Variants in NGLY1 observed in about 807,000 individuals in gnomAD.
NGLY1 encodes the protein peptide-N(4)-(N-acetyl-beta-glucosaminyl)asparagine amidase.
In NGLY1, 68 loss-of-function variants were observed where a neutral mutation model predicts 84.6. The observed-to-expected ratio is 0.80, with a 90% CI of 0.66 to 0.98. NGLY1 has a LOEUF of 0.98. NGLY1 is among the 50% of genes least tolerant of loss of function. The probability of loss-of-function intolerance (pLI) is 0.00; values close to 1 mark genes in which losing one functional copy is unlikely to be tolerated. For synonymous variants in NGLY1, 280 were observed against 275.2 expected (o/e 1.02, Z -0.17); for missense variants, 779 against 770.2 (o/e 1.01, Z -0.14).
At position 25,727,286 on chromosome 3, in the gene NGLY1, A is replaced by C. The variant is rs192330884; in HGVS notation, c.1611+1847T>G. On this transcript the variant is annotated intron_variant, in intron 10 of 11. Transcript: ENST00000280700. ...TGGTACCCTTCATAAAAGTATATCA[A>C]GGCATAAGCTTTACTTGAATAGGGG... Among the ~76,000 whole-genome samples, 6 of 152,358 alleles carry C rather than the reference A, an allele frequency of 3.9e-5. No homozygotes were observed. The East Asian group carries it at 1.2e-3, about 29-fold the overall frequency.
chr3:25,740,804 A>G (rs1254951609), intron 4 of NGLY1, among the ~76,000 whole-genome samples: 1 of 152,154 alleles, frequency 6.6e-6, no homozygotes, highest in East Asian at 1.9e-4. Context: ...TATAATCCCA[A>G]TTAAAATTAT....
At chr3:25,763,890 A>G (rs900036770) in intron 3 of NGLY1, among the ~76,000 whole-genome samples, 176 bp downstream of exon 3, 1 of 152,228 alleles carries the variant, frequency 6.6e-6, no homozygotes, top group Non-Finnish European at 1.5e-5. Context: ...TTAATGCAGT[A>G]GAGGAAATCT....
At chr3:25,773,985 C>A (rs1204413794) in intron 2 of NGLY1, among the ~76,000 whole-genome samples, 1 of 152,138 alleles carries the variant, frequency 6.6e-6, no homozygotes, top group Non-Finnish European at 1.5e-5. Flanking sequence ...CAAGTCTCAG[C>A]CATAGATACC....
At chr3:25,743,889 T>C (rs1417927795) in intron 4 of NGLY1, among the ~76,000 whole-genome samples, 1 of 152,152 alleles carries the variant, frequency 6.6e-6, no homozygotes, top group African/African-American at 2.4e-5. Context: ...ATTTAAACAA[T>C]ATCCTTAACT....
In NGLY1 at chr3:25,732,309, A is replaced by G. The variant is rs1356043473; in HGVS notation, c.1425+10T>C. On this transcript the variant is annotated intron_variant, in intron 9 of 11. Coordinates refer to ENST00000280700, the MANE Select transcript of NGLY1 (RefSeq NM_018297.4). ...GTAAAAGGATCATCATGCTAGAATGAATTAAATACCTGTAGACCCATTTCA... is the reference window on the plus strand; with the variant it reads ...GTAAAAGGATCATCATGCTAGAATGGATTAAATACCTGTAGACCCATTTCA... 6.2e-7 allele frequency: 1 copy of G among 1,611,984 alleles called. No homozygotes were observed. The highest frequency in any genetic ancestry group is 2.2e-5 in the East Asian group (1 of 44,850).
intron 4 of NGLY1, among the ~76,000 whole-genome samples, chr3:25,747,122 G>C (rs148918928): frequency 6.6e-6 from 1 of 152,142 alleles, no homozygotes; most frequent in Non-Finnish European, 1.5e-5. Flanking sequence ...ACACTCAGTT[G>C]ATCTGTATAT....
chr3:25,733,480 T>TAA (rs1705654198), intron 8 of NGLY1, among the ~76,000 whole-genome samples: 1 of 146,198 alleles, frequency 6.8e-6, no homozygotes, highest in African/African-American at 2.6e-5. Flanking sequence ...TGTGTGTGTG[T>TAA]GTGTGTGTGT....
chr3:25,782,330 G>A (rs1300913937), intron 1 of NGLY1, among the ~76,000 whole-genome samples: 2 of 152,088 alleles, frequency 1.3e-5, no homozygotes, highest in Admixed American at 6.6e-5. Flanking sequence ...AGGGGCTGAG[G>A]GGAACAGAGA....
At chr3:25,782,688 T>C (rs985838027) in intron 1 of NGLY1, 2 of 152,380 alleles carry the variant, frequency 1.3e-5, no homozygotes, top group Non-Finnish European at 2.9e-5. Context: ...ACTATAATGT[T>C]TCAATCAACA....
At chr3:25,775,936 C>G (rs1204690850) in intron 2 of NGLY1, among the ~76,000 whole-genome samples, 1 of 152,138 alleles carries the variant, frequency 6.6e-6, no homozygotes, top group Non-Finnish European at 1.5e-5. Context: ...CATTTGTATG[C>G]TAGCATCAAA....
intron 4 of NGLY1, among the ~76,000 whole-genome samples, chr3:25,744,469 A>G (rs1222465339): frequency 6.6e-6 from 1 of 152,204 alleles, no homozygotes; most frequent in South Asian, 2.1e-4. Context: ...TTTTGTCTGG[A>G]AAGGAAAAAA....
At chr3:25,769,012 G>A (rs1707763408) in intron 2 of NGLY1, among the ~76,000 whole-genome samples, 1 of 152,066 alleles carries the variant, frequency 6.6e-6, no homozygotes, top group Non-Finnish European at 1.5e-5. Flanking sequence ...TTAAGAACCA[G>A]ACTATAAAAG....
intron 10 of NGLY1, among the ~76,000 whole-genome samples, chr3:25,726,662 A>G (rs1705282894): frequency 6.6e-6 from 1 of 152,218 alleles, no homozygotes; most frequent in Non-Finnish European, 1.5e-5. Flanking sequence ...CCAGATTTGG[A>G]AAAGACGTGG....
intron 3 of NGLY1, among the ~76,000 whole-genome samples, chr3:25,760,483 G>A (rs1163432477): frequency 2.0e-5 from 3 of 152,152 alleles, no homozygotes; most frequent in Non-Finnish European, 4.4e-5. Context: ...GGGCATGCAA[G>A]TATTAACTTT....
chr3:25,734,790 A>G (rs11129204), intron 7 of NGLY1: 757,926 of 929,084 alleles, frequency 0.82, 314,051 homozygotes, highest in East Asian at 0.94. Flanking sequence ...TCATTCCTAA[A>G]CAGTTGATAG....
intron 4 of NGLY1, among the ~76,000 whole-genome samples, chr3:25,743,127 C>T (rs140472264): frequency 1.6e-4 from 25 of 152,160 alleles, no homozygotes; most frequent in Middle Eastern, 3.4e-3. Context: ...CCAGCAGCAA[C>T]CAAAAGCTGG....
intron 10 of NGLY1, among the ~76,000 whole-genome samples, chr3:25,724,609 G>C (rs1325485409): frequency 2.0e-5 from 3 of 151,856 alleles, no homozygotes; most frequent in Non-Finnish European, 4.4e-5. Context: ...AAAGTCTCTG[G>C]GACCTGACAA....
intron 2 of NGLY1, among the ~76,000 whole-genome samples, chr3:25,772,881 T>C (rs1404443980): frequency 1.3e-5 from 2 of 152,198 alleles, no homozygotes; most frequent in African/African-American, 2.4e-5. Flanking sequence ...TTTCCTTCAT[T>C]TATGAAGCTT....
chr3:25,745,579 T>A (rs1221038620), intron 4 of NGLY1, among the ~76,000 whole-genome samples: 1 of 152,208 alleles, frequency 6.6e-6, no homozygotes, highest in Non-Finnish European at 1.5e-5. Context: ...TCCTTATATA[T>A]ACATGATGCC....
Sources: gnomAD v4.1 joint callset for allele counts (sites outside exome capture counted in the v4.1 genomes callset) on GRCh38, gnomAD v4.1.1 for gene constraint, MANE v1.5 for transcripts, NCBI Gene and HGNC (gene_info 2026-07-23, HGNC 2026-07-21) for gene names.